SGCZ: variants seen among roughly 807,000 people sequenced by gnomAD.
SGCZ encodes sarcoglycan zeta, also known as zeta-sarcoglycan.
In SGCZ, 40 loss-of-function variants were observed where a neutral mutation model predicts 41.3. That is an observed-to-expected ratio of 0.97 (90% CI 0.75 to 1.26). The LOEUF is 1.26. Among genes scored for constraint, SGCZ ranks in the 50% most tolerant of loss-of-function variants. The probability of loss-of-function intolerance (pLI) is 0.00; values close to 1 mark genes in which losing one functional copy is unlikely to be tolerated. For synonymous variants in SGCZ, 206 were observed against 137.5 expected, an observed-to-expected ratio of 1.50 and a Z score of -3.49; for missense variants, 552 against 369.8, an observed-to-expected ratio of 1.49 and a Z score of -4.04.
chr8:14,746,659 C>A (rs1486426333), intron 1 of SGCZ, among the ~76,000 whole-genome samples: 2 of 152,066 alleles, frequency 1.3e-5, no homozygotes, highest in Non-Finnish European at 2.9e-5. Flanking sequence ...ACTACACTTG[C>A]CAAAGAAATC....
At chr8:14,439,498 C>G (rs1416972037) in intron 2 of SGCZ, among the ~76,000 whole-genome samples, 1 of 151,538 alleles carries the variant, frequency 6.6e-6, no homozygotes, top group East Asian at 1.9e-4. Context: ...AAACACATAT[C>G]AATATTCCTC....
chr8:14,511,294 T>C (rs1313387644), intron 2 of SGCZ, among the ~76,000 whole-genome samples: 1 of 152,050 alleles, frequency 6.6e-6, no homozygotes, highest in Non-Finnish European at 1.5e-5. Flanking sequence ...AATTGTCTTT[T>C]TTTAAATCTT....
In SGCZ at chr8:14,336,944, A is replaced by G. The variant is rs527912510; in HGVS notation, c.235-12740T>C. Among the ~76,000 whole-genome samples the G allele has an allele frequency of 1.5e-4, 23 of 152,186 alleles. No homozygotes were observed. The East Asian group carries it at 3.7e-3, about 24-fold the overall frequency. ...ACCACATCCCACACACTTGTTTTCA[A>G]TTGTTCTACTTGCCTTTACTCTGGC... is the stretch of plus-strand genomic sequence containing the variant. On this transcript the variant is annotated intron_variant, in intron 2 of 7. Coordinates refer to ENST00000382080, the MANE Select transcript of SGCZ (RefSeq NM_139167.4).
In SGCZ at chr8:14,720,818, G is replaced by A. The variant is rs1397915467; in HGVS notation, c.40-165892C>T. 3.9e-5 allele frequency among the ~76,000 whole-genome samples: 6 copies of A among 152,016 alleles called. No homozygotes were observed. In the South Asian group the frequency reaches 6.3e-4, roughly 16 times the overall value. On this transcript the variant is annotated intron_variant, in intron 1 of 7. Coordinates refer to ENST00000382080, the MANE Select transcript of SGCZ (RefSeq NM_139167.4). The stretch of plus-strand genomic sequence containing the variant: ...CTACTGCTTTATAGCCAAACATCTT[G>A]AAAGGAATGTTTACATATTATGTAC...
At chr8:14,094,909 T>A (rs1427791699) in intron 7 of SGCZ, among the ~76,000 whole-genome samples, 2 of 152,186 alleles carry the variant, frequency 1.3e-5, no homozygotes, top group African/African-American at 4.8e-5. Flanking sequence ...TTTTTTCATG[T>A]GTTTGTTGGC....
chr8:15,154,452 G>A (rs530433159), intron 1 of SGCZ, among the ~76,000 whole-genome samples: 1 of 152,304 alleles, frequency 6.6e-6, no homozygotes, highest in South Asian at 2.1e-4. Flanking sequence ...GGGCTGGAAA[G>A]TAGACATCTC....
intron 1 of SGCZ, among the ~76,000 whole-genome samples, chr8:14,706,779 G>A (rs924337634): frequency 6.6e-6 from 1 of 152,010 alleles, no homozygotes; most frequent in Admixed American, 6.6e-5. Context: ...GTTTAGCAAT[G>A]GTAATATGAC....
intron 4 of SGCZ, among the ~76,000 whole-genome samples, chr8:14,226,937 A>T (rs1220006293): frequency 6.6e-6 from 1 of 152,130 alleles, no homozygotes; most frequent in Non-Finnish European, 1.5e-5. Flanking sequence ...ATGTGAAAAC[A>T]GGTATGGTCA....
intron 1 of SGCZ, among the ~76,000 whole-genome samples, chr8:14,633,669 G>C (rs1316550920): frequency 6.6e-6 from 1 of 151,726 alleles, no homozygotes; most frequent in East Asian, 1.9e-4. Flanking sequence ...TTACTTATTT[G>C]TATACCTCTA....
At chr8:15,196,601 G>A (rs1160721284) in intron 1 of SGCZ, among the ~76,000 whole-genome samples, 1 of 150,836 alleles carries the variant, frequency 6.6e-6, no homozygotes, top group Non-Finnish European at 1.5e-5. Flanking sequence ...AAAATGTAGT[G>A]ACTACAAACA....
chr8:14,174,659 A>AAT (rs1164784710), intron 4 of SGCZ, among the ~76,000 whole-genome samples: 1 of 152,164 alleles, frequency 6.6e-6, no homozygotes, highest in Non-Finnish European at 1.5e-5. Flanking sequence ...TTCAAAGAGC[A>AAT]ATATTTAACC....
At chr8:15,115,709 CAAATGTCTCT>C (rs1807244078) in intron 1 of SGCZ, among the ~76,000 whole-genome samples, 1 of 152,118 alleles carries the variant, frequency 6.6e-6, no homozygotes, top group Admixed American at 6.5e-5. Flanking sequence ...TTCCATTGTG[CAAATGTCTCT>C]TTAGGTCATT....
chr8:14,134,377 G>A (rs1803131365), intron 5 of SGCZ, among the ~76,000 whole-genome samples: 1 of 152,130 alleles, frequency 6.6e-6, no homozygotes, highest in African/African-American at 2.4e-5. Context: ...GCCTGTAGAA[G>A]TATTCAAGCA....
intron 1 of SGCZ, among the ~76,000 whole-genome samples, chr8:14,686,051 A>G (rs1243109642): frequency 1.3e-5 from 2 of 152,108 alleles, no homozygotes; most frequent in Non-Finnish European, 2.9e-5. Context: ...ACTTCTAACA[A>G]ACTATATGTT....
chr8:15,233,006 G>A (rs1489766336), intron 1 of SGCZ, among the ~76,000 whole-genome samples: 1 of 151,446 alleles, frequency 6.6e-6, no homozygotes, highest in African/African-American at 2.4e-5. Context: ...TCAAATTAAG[G>A]TTACCTGTTT....
At chr8:14,609,288 T>C (rs1212000228) in intron 1 of SGCZ, among the ~76,000 whole-genome samples, 5 of 152,176 alleles carry the variant, frequency 3.3e-5, no homozygotes, top group Admixed American at 2.0e-4. Context: ...TTCGTTATTA[T>C]ATAACGTCAA....
chr8:14,465,085 A>G (rs73188277), intron 2 of SGCZ, among the ~76,000 whole-genome samples: 2,830 of 151,734 alleles, frequency 0.019, 42 homozygotes, highest in East Asian at 0.082. Context: ...ATATATCTCT[A>G]TTATATCCAG....
At chr8:14,166,156 T>G (rs2116988339) in intron 4 of SGCZ, among the ~76,000 whole-genome samples, 1 of 152,240 alleles carries the variant, frequency 6.6e-6, no homozygotes, top group Non-Finnish European at 1.5e-5. Context: ...TTAAAACTAA[T>G]GTTAAACTTT....
chr8:14,318,245 G>T (rs1801781551), intron 3 of SGCZ, among the ~76,000 whole-genome samples: 1 of 151,606 alleles, frequency 6.6e-6, no homozygotes, highest in Non-Finnish European at 1.5e-5. Flanking sequence ...GGAAGAGGGA[G>T]AAGGGCAAGA....
Sources: allele counts gnomAD v4.1 joint callset (sites outside exome capture counted in the v4.1 genomes callset), GRCh38; gene constraint gnomAD v4.1.1; transcripts MANE v1.5; gene names NCBI Gene and HGNC (gene_info 2026-07-23, HGNC 2026-07-21).